The following GALNT18 variants were observed in gnomAD, a reference collection of about 807,000 sequenced individuals.
The protein encoded by GALNT18 is GalNAc-transferase 18.
GALNT18 carries 44 observed loss-of-function variants against 69.5 expected under a neutral mutation model. The ratio of observed to expected loss-of-function variants is 0.63; its 90% CI spans 0.50 to 0.81. The LOEUF is 0.81. Ranked by LOEUF, GALNT18 falls within the 40% of genes least tolerant of loss-of-function variation. The pLI, the probability that GALNT18 is intolerant of heterozygous loss-of-function variation, is 0.00. For synonymous variants in GALNT18, 364 were observed against 318.2 expected (o/e 1.14, Z -1.53); for missense variants, 715 against 810.0 (o/e 0.88, Z 1.42).
chr11:11,406,786 A>T (rs1380828080), intron 3 of GALNT18, among the ~76,000 whole-genome samples: 1 of 152,268 alleles, frequency 6.6e-6, no homozygotes, highest in Non-Finnish European at 1.5e-5. Flanking sequence ...AACAGAAAGG[A>T]CATGGGAATT....
rs1047686257 is a variant in GALNT18 at position 11,276,991 on chromosome 11, G to T, written c.1678-5701C>A. On this transcript the variant is annotated intron_variant, in intron 10 of 10. Coordinates refer to ENST00000227756, the MANE Select transcript of GALNT18 (RefSeq NM_198516.3). The stretch of plus-strand genomic sequence containing the variant: ...AATTTTCTTTTTTTGTTGTGTCTCT[G>T]CCAGGTTTTGGTATCAGGATGCTGC... Among the ~76,000 whole-genome samples, 5 of 152,266 alleles carry T rather than the reference G, an allele frequency of 3.3e-5. No homozygotes were observed. The East Asian group carries it at 7.7e-4, about 24-fold the overall frequency.
At chr11:11,501,270 AGT>A (rs1856967096) in intron 1 of GALNT18, among the ~76,000 whole-genome samples, 1 of 152,204 alleles carries the variant, frequency 6.6e-6, no homozygotes, top group South Asian at 2.1e-4. Context: ...AAAAAAATTC[AGT>A]GTTATTACTT....
chr11:11,606,525 C>T lies in GALNT18; in HGVS notation c.235+14834G>A, dbSNP rs920896746. On this transcript the variant is annotated intron_variant, in intron 1 of 10. Transcript: ENST00000227756. The surrounding 1 kb of genome is among the most constrained non-coding windows in gnomAD (Gnocchi z 5.4). The stretch of plus-strand genomic sequence containing the variant: ...TCTGCCCCTCCTCTATCCGAATCAT[C>T]ACTCTGGTTTGAGGGGCTGAGAAGA... 2.0e-5 allele frequency among the ~76,000 whole-genome samples: 3 copies of T among 152,170 alleles called. No homozygotes were observed. The highest frequency in any genetic ancestry group is 4.4e-5 in the Non-Finnish European group (3 of 68,038).
intron 1 of GALNT18, among the ~76,000 whole-genome samples, chr11:11,533,102 A>G (rs1857691490): frequency 1.3e-5 from 2 of 151,962 alleles, no homozygotes; most frequent in Admixed American, 1.3e-4. Flanking sequence ...GTTACTCCCC[A>G]GCCCTTAGGT....
chr11:11,431,570 C>T (rs1474203829), intron 3 of GALNT18, among the ~76,000 whole-genome samples: 2 of 152,190 alleles, frequency 1.3e-5, no homozygotes, highest in East Asian at 3.8e-4. Context: ...TTTCTAAAAT[C>T]CCCTTACAGC....
chr11:11,352,376 A>T, intron 6 of GALNT18: 2 of 1,614,102 alleles, frequency 1.2e-6, no homozygotes, highest in Non-Finnish European at 1.7e-6. Context: ...CTGTCCCCAG[A>T]AACTTGGCTA....
intron 3 of GALNT18, among the ~76,000 whole-genome samples, chr11:11,423,446 A>T (rs1855058187): frequency 6.6e-6 from 1 of 152,184 alleles, no homozygotes; most frequent in African/African-American, 2.4e-5. Flanking sequence ...GGTGACCTAA[A>T]GCATGGCTGC....
At position 11,389,968 on chromosome 11, in the gene GALNT18, G is replaced by C. The variant is rs1854145285; in HGVS notation, c.596-10704C>G. Among the ~76,000 whole-genome samples, 1 of 152,072 alleles carries C rather than the reference G, an allele frequency of 6.6e-6. No individual in the cohort carries two copies. Among genetic ancestry groups the C allele is most frequent in the Non-Finnish European group, 1.5e-5 (1 of 68,022 alleles). On this transcript the variant is annotated intron_variant, in intron 3 of 10. Coordinates refer to ENST00000227756, the MANE Select transcript of GALNT18 (RefSeq NM_198516.3). The surrounding 1 kb of genome is among the most constrained non-coding windows in gnomAD (Gnocchi z 4.3). ...GTGCTGCCGAACTCAAAAATTTGAT[G>C]ATCCTAAAATCTCATGACTGAGAGC...
intron 1 of GALNT18, among the ~76,000 whole-genome samples, chr11:11,504,337 G>T (rs1857028493): frequency 6.6e-6 from 1 of 152,092 alleles, no homozygotes; most frequent in Non-Finnish European, 1.5e-5. Context: ...CTGTCCCTCT[G>T]GACTGAATAG....
intron 1 of GALNT18, among the ~76,000 whole-genome samples, chr11:11,581,156 C>A (rs187453578): frequency 6.6e-6 from 1 of 152,308 alleles, no homozygotes; most frequent in African/African-American, 2.4e-5. Context: ...AGACATGAGA[C>A]AAAAGTGCCC....
intron 5 of GALNT18, among the ~76,000 whole-genome samples, chr11:11,376,054 C>A (rs1447394563): frequency 2.0e-5 from 3 of 152,160 alleles, no homozygotes; most frequent in Non-Finnish European, 4.4e-5. Flanking sequence ...CAGGACTTCG[C>A]AGGGAACATA....
intron 1 of GALNT18, among the ~76,000 whole-genome samples, chr11:11,509,062 C>T (rs1005575131): frequency 7.9e-5 from 12 of 152,104 alleles, no homozygotes; most frequent in African/African-American, 2.9e-4. Context: ...GAACTTTTCT[C>T]TTCTTCTTCT....
At position 11,480,107 on chromosome 11, in the gene GALNT18, T is replaced by C. The variant is rs973846948; in HGVS notation, c.236-31171A>G. Among the ~76,000 whole-genome samples the C allele has an allele frequency of 6.6e-6, 1 of 152,078 alleles. No individual in the cohort carries two copies. Among genetic ancestry groups the C allele is most frequent in the Admixed American group, 6.5e-5 (1 of 15,272 alleles). Reference sequence around the variant, plus strand: ...CAGAAAATACTGCTATTTGTCACCTTCCCTACCTTGAGCTTCAACTTCCTT... The same window carrying C: ...CAGAAAATACTGCTATTTGTCACCTCCCCTACCTTGAGCTTCAACTTCCTT... On this transcript the variant is annotated intron_variant, in intron 1 of 10. Transcript: ENST00000227756. The surrounding 1 kb of genome is among the most constrained non-coding windows in gnomAD (Gnocchi z 4.6).
rs1281613534 is a variant in GALNT18, at chr11:11,318,540, C to T, written c.1512+8546G>A. On this transcript the variant is annotated intron_variant, in intron 9 of 10. Coordinates refer to ENST00000227756, the MANE Select transcript of GALNT18 (RefSeq NM_198516.3). The surrounding 1 kb of genome is among the most constrained non-coding windows in gnomAD (Gnocchi z 5.1). ...AGCTTGGCCCTGCTGAGACCGATCT[C>T]GAACTTCTAGGCTTCAGAATTGTGA... Among the ~76,000 whole-genome samples, 2 of 152,238 alleles carry T rather than the reference C, an allele frequency of 1.3e-5. No homozygotes were observed. Among genetic ancestry groups the T allele is most frequent in the East Asian group, 1.9e-4 (1 of 5,188 alleles).
At chr11:11,482,575 G>A (rs1856556128) in intron 1 of GALNT18, among the ~76,000 whole-genome samples, 1 of 152,220 alleles carries the variant, frequency 6.6e-6, no homozygotes, top group African/African-American at 2.4e-5. Flanking sequence ...CATGAGGACA[G>A]TCACACCAGC....
intron 9 of GALNT18, among the ~76,000 whole-genome samples, chr11:11,300,038 G>T (rs1849467456): frequency 6.6e-6 from 1 of 152,186 alleles, no homozygotes; most frequent in Non-Finnish European, 1.5e-5. Flanking sequence ...GAGAGTCAAG[G>T]AGGGCCTCCC....
chr11:11,539,502 A>G (rs777960912), intron 1 of GALNT18, among the ~76,000 whole-genome samples: 14 of 152,184 alleles, frequency 9.2e-5, no homozygotes, highest in Non-Finnish European at 1.6e-4. Flanking sequence ...ACCACAGGCA[A>G]GGCAACTATA....
At chr11:11,478,649 T>A (rs532656665) in intron 1 of GALNT18, among the ~76,000 whole-genome samples, 13 of 152,254 alleles carry the variant, frequency 8.5e-5, no homozygotes, top group Non-Finnish European at 1.3e-4. Context: ...AAATGCTTAT[T>A]TAATTTTCTT....
chr11:11,555,147 C>G lies in GALNT18; in HGVS notation c.235+66212G>C, dbSNP rs1399861516. 1.3e-5 allele frequency among the ~76,000 whole-genome samples: 2 copies of G among 152,208 alleles called. No individual in the cohort carries two copies. The highest frequency in any genetic ancestry group is 3.8e-4 in the East Asian group (2 of 5,202). ...GAGTCATCGGGACTTGAACTAAGGA[C>G]TCTGAATGATGAGTCCTGCTCAGGA... is the stretch of plus-strand genomic sequence containing the variant. On this transcript the variant is annotated intron_variant, in intron 1 of 10. Transcript: ENST00000227756. The surrounding 1 kb of genome is among the most constrained non-coding windows in gnomAD (Gnocchi z 4.7).
Sources: allele counts gnomAD v4.1 joint callset (sites outside exome capture counted in the v4.1 genomes callset), GRCh38; gene constraint gnomAD v4.1.1; non-coding constraint Gnocchi (gnomAD v3.1); transcripts MANE v1.5; gene names NCBI Gene and HGNC (gene_info 2026-07-23, HGNC 2026-07-21).